DARS1: variants seen among roughly 807,000 people sequenced by gnomAD.
DARS1 encodes the protein aspartate--tRNA ligase, cytoplasmic.
Under a neutral mutation model 68.8 loss-of-function variants are expected in DARS1, and 51 were observed. The observed-to-expected ratio is 0.74, with a 90% CI of 0.59 to 0.94. The LOEUF (loss-of-function observed/expected upper bound fraction) is 0.94. Ranked by LOEUF, DARS1 falls within the 40% of genes least tolerant of loss-of-function variation. The pLI is 0.00. For synonymous variants in DARS1, 203 were observed against 190.4 expected (o/e 1.07, Z -0.55); for missense variants, 607 against 597.3 (o/e 1.02, Z -0.17).
In DARS1 at chr2:135,906,150, C is replaced by G. The variant is rs1680775413; in HGVS notation, c.*1166G>C. On this transcript the variant is annotated 3_prime_UTR_variant, in exon 16 of 16. Coordinates refer to ENST00000264161, the MANE Select transcript of DARS1 (RefSeq NM_001349.4). ...TATAGATGGTAAACACCCCCTTTAA[C>G]TTTCAAACATAATGGGCAGATGTTC... Among the ~76,000 whole-genome samples the G allele has an allele frequency of 6.6e-6, 1 of 152,168 alleles. No individual in the cohort carries two copies. Among genetic ancestry groups the G allele is most frequent in the Non-Finnish European group, 1.5e-5 (1 of 68,014 alleles).
intron 5 of DARS1, among the ~76,000 whole-genome samples, chr2:135,937,482 T>C (rs996552060): frequency 6.6e-6 from 1 of 152,200 alleles, no homozygotes; most frequent in Non-Finnish European, 1.5e-5. Flanking sequence ...TTCTCTATGT[T>C]GTAAAAAATA....
Position 135,917,968 on chromosome 2 carries a change from G to A in DARS1, c.960-1596C>T, listed in dbSNP as rs1252270131. ...GGAGTCTTGCTCTGTTGCCCAGGCT[G>A]GAGTGCAGTGGAGCTGTCTCGGCTC... is the stretch of plus-strand genomic sequence containing the variant. On this transcript the variant is annotated intron_variant, in intron 10 of 15. Coordinates refer to ENST00000264161, the MANE Select transcript of DARS1 (RefSeq NM_001349.4). Among the ~76,000 whole-genome samples the A allele has an allele frequency of 2.6e-5, 4 of 152,130 alleles. No homozygotes were observed. In the South Asian group the frequency reaches 6.2e-4, roughly 24 times the overall value.
intron 5 of DARS1, among the ~76,000 whole-genome samples, chr2:135,941,748 A>T (rs1191973535): frequency 6.6e-6 from 1 of 151,678 alleles, no homozygotes; most frequent in African/African-American, 2.4e-5. Flanking sequence ...GAAAATTTTC[A>T]CAACCTACTC....
intron 4 of DARS1, among the ~76,000 whole-genome samples, chr2:135,951,352 A>C (rs1185831894): frequency 1.3e-5 from 2 of 152,212 alleles, no homozygotes; most frequent in East Asian, 3.8e-4. Context: ...CCATGTTGGC[A>C]ATTTATTCCA....
At chr2:135,981,889 AT>A (rs540472113) in intron 2 of DARS1, among the ~76,000 whole-genome samples, 65 of 152,024 alleles carry the variant, frequency 4.3e-4, no homozygotes, top group African/African-American at 1.5e-3. Flanking sequence ...CTAGTTTCAA[AT>A]TCCTGGGCTC....
At position 135,911,189 on chromosome 2, in the gene DARS1, TA is replaced by T; in HGVS notation, c.1363del (p.Tyr455ThrfsTer81). 6.5e-7 allele frequency: 1 copy of T among 1,542,356 alleles called. No individual in the cohort carries two copies. Among genetic ancestry groups the T allele is most frequent in the Non-Finnish European group, 9.0e-7 (1 of 1,115,178 alleles). On this transcript the variant is annotated frameshift_variant, in exon 15 of 16. Transcript: ENST00000264161. LOFTEE classifies it high-confidence loss of function. ...GGCTCCAAAGCGGAAGGAATCAATG[TA>T]AGCCTTAATTTTCTCCAAATCTGCA... ...HGIDLEKIKA[Y>X]IDSFRFGAPP...
In DARS1 at chr2:135,920,010, C is replaced by T. The variant is rs79231002; in HGVS notation, c.959+443G>A. Among the ~76,000 whole-genome samples, 1,167 of 152,286 alleles carry T rather than the reference C, an allele frequency of 7.7e-3. 99 individuals are homozygous for T. The East Asian group carries it at 0.2, about 26-fold the overall frequency. ...GAGGCACAGAATTAAATAACCTGCA[C>T]AAGGCCCACACAGAGAAGGAGCAGA... On this transcript the variant is annotated intron_variant, in intron 10 of 15. Coordinates refer to ENST00000264161, the MANE Select transcript of DARS1 (RefSeq NM_001349.4).
intron 10 of DARS1, among the ~76,000 whole-genome samples, chr2:135,919,274 G>A (rs563361990): frequency 3.0e-4 from 46 of 151,950 alleles, no homozygotes; most frequent in African/African-American, 1.1e-3. Context: ...CAAGTGATCC[G>A]CCTGCCTCAG....
At chr2:135,923,844 C>T (rs1390562434) in intron 8 of DARS1, among the ~76,000 whole-genome samples, 1 of 151,950 alleles carries the variant, frequency 6.6e-6, no homozygotes, top group African/African-American at 2.4e-5. Flanking sequence ...ATGGAGAAAC[C>T]CTGTATCTAC....
intron 5 of DARS1, among the ~76,000 whole-genome samples, chr2:135,936,530 G>C (rs894783994): frequency 6.6e-6 from 1 of 152,078 alleles, no homozygotes; most frequent in Non-Finnish European, 1.5e-5. Flanking sequence ...CAAAGCACTG[G>C]GATTGCAGGT....
intron 1 of DARS1, among the ~76,000 whole-genome samples, chr2:135,984,728 C>A (rs1481021334): frequency 1.3e-5 from 2 of 152,166 alleles, no homozygotes; most frequent in Non-Finnish European, 2.9e-5. Flanking sequence ...GAAATTAAGG[C>A]TTAACAGTAC....
intron 4 of DARS1, among the ~76,000 whole-genome samples, chr2:135,955,089 T>C (rs1477773539): frequency 6.6e-6 from 1 of 151,974 alleles, no homozygotes; most frequent in Non-Finnish European, 1.5e-5. Context: ...AATTTTATTT[T>C]TGGGTAGTCA....
chr2:135,920,278 A>G (rs1332118395), intron 10 of DARS1, among the ~76,000 whole-genome samples, 175 bp downstream of exon 10: 1 of 152,218 alleles, frequency 6.6e-6, no homozygotes, highest in East Asian at 1.9e-4. Flanking sequence ...TGGATCCAGA[A>G]GCAGTATTCT....
chr2:135,922,658 G>A, intron 9 of DARS1, 126 bp downstream of exon 9: 10 of 1,284,612 alleles, frequency 7.8e-6, no homozygotes, highest in Non-Finnish European at 8.9e-6. Context: ...TAGCATTTGT[G>A]TAGTCAGCAG....
intron 7 of DARS1, among the ~76,000 whole-genome samples, chr2:135,929,414 T>C (rs1228485466): frequency 6.6e-6 from 1 of 152,248 alleles, no homozygotes; most frequent in Non-Finnish European, 1.5e-5. Context: ...TAGTACTTAA[T>C]ATTTTCCTTT....
chr2:135,978,992 C>A, intron 3 of DARS1: 16 of 234,280 alleles, frequency 6.8e-5, no homozygotes, highest in Middle Eastern at 1.2e-3. Context: ...TTTTTAGCTA[C>A]TCCTTCTCCA....
intron 4 of DARS1, among the ~76,000 whole-genome samples, chr2:135,946,650 G>A (rs1367717360): frequency 6.6e-6 from 1 of 152,006 alleles, no homozygotes; most frequent in Non-Finnish European, 1.5e-5. Flanking sequence ...GAAAATCAAG[G>A]GTGAAGGTAT....
At chr2:135,962,475 C>T (rs763779006) in intron 3 of DARS1, among the ~76,000 whole-genome samples, 5 of 151,942 alleles carry the variant, frequency 3.3e-5, no homozygotes, top group Non-Finnish European at 7.4e-5. Context: ...TTAGAATGGG[C>T]CTTAACCAAA....
At chr2:135,973,874 T>A (rs1277225345) in intron 3 of DARS1, among the ~76,000 whole-genome samples, 1 of 151,718 alleles carries the variant, frequency 6.6e-6, no homozygotes, top group African/African-American at 2.4e-5. Flanking sequence ...AAATAAAATT[T>A]AAAAAATAAA....
Sources: gnomAD v4.1 joint callset for allele counts (sites outside exome capture counted in the v4.1 genomes callset) on GRCh38, gnomAD v4.1.1 for gene constraint, MANE v1.5 for transcripts, NCBI Gene and HGNC (gene_info 2026-07-23, HGNC 2026-07-21) for gene names.